Variants in SMG6 observed in about 807,000 individuals in gnomAD.
The protein encoded by SMG6 is telomerase-binding protein EST1A.
Under a neutral mutation model 142.2 loss-of-function variants are expected in SMG6, and 66 were observed. The observed-to-expected ratio is 0.46, with a 90% CI of 0.38 to 0.57. The LOEUF (loss-of-function observed/expected upper bound fraction) is 0.57, where lower values mean the gene tolerates loss of function less well. SMG6 is among the 20% of genes least tolerant of loss of function. The pLI is 0.00. For synonymous variants in SMG6, 779 were observed against 702.4 expected (o/e 1.11, Z -1.72); for missense variants, 1,793 against 1,832.0 (o/e 0.98, Z 0.39).
At chr17:2,138,798 T>C (rs536386978) in intron 13 of SMG6, among the ~76,000 whole-genome samples, 12 of 152,342 alleles carry the variant, frequency 7.9e-5, no homozygotes, top group African/African-American at 2.9e-4. Flanking sequence ...TCCTAGAAAT[T>C]ACTGTATGTA....
chr17:2,109,483 T>G (rs915152922), intron 13 of SMG6, among the ~76,000 whole-genome samples: 1 of 152,158 alleles, frequency 6.6e-6, no homozygotes, highest in African/African-American at 2.4e-5. Context: ...AGCCTGGTCT[T>G]GAATTGCTGG....
At chr17:2,147,144 G>A (rs1165431245) in intron 13 of SMG6, among the ~76,000 whole-genome samples, 1 of 152,212 alleles carries the variant, frequency 6.6e-6, no homozygotes, top group Non-Finnish European at 1.5e-5. Context: ...TGTAATCCCA[G>A]AACTTTGGGA....
chr17:2,084,095 C>T (rs2068493082), intron 14 of SMG6, among the ~76,000 whole-genome samples: 1 of 152,196 alleles, frequency 6.6e-6, no homozygotes, highest in South Asian at 2.1e-4. Context: ...GGTGCTGTGG[C>T]CCTCTCTGGG....
chr17:2,126,917 C>CACAG (rs2069903683), intron 13 of SMG6, among the ~76,000 whole-genome samples: 1 of 151,906 alleles, frequency 6.6e-6, no homozygotes, highest in African/African-American at 2.4e-5. Flanking sequence ...TGCACACAGA[C>CACAG]ACAAACATAC....
chr17:2,117,087 T>C (rs1467575023), intron 13 of SMG6, among the ~76,000 whole-genome samples: 3 of 145,138 alleles, frequency 2.1e-5, no homozygotes, highest in African/African-American at 5.3e-5. Context: ...GTCACCAGTA[T>C]GGCTTTTAAA....
chr17:2,160,979 T>TA (rs2071158405), intron 13 of SMG6, among the ~76,000 whole-genome samples: 3 of 152,116 alleles, frequency 2.0e-5, no homozygotes, highest in Non-Finnish European at 4.4e-5. Flanking sequence ...TCTTTTTCTA[T>TA]CATACATTCT....
chr17:2,256,542 G>A (rs949804108), intron 8 of SMG6, among the ~76,000 whole-genome samples: 4 of 152,070 alleles, frequency 2.6e-5, no homozygotes, highest in Non-Finnish European at 5.9e-5. Context: ...CGGGTGGATC[G>A]CTTGAGCTCA....
At chr17:2,157,665 T>G (rs1231524520) in intron 13 of SMG6, among the ~76,000 whole-genome samples, 2 of 152,214 alleles carry the variant, frequency 1.3e-5, no homozygotes, top group Non-Finnish European at 2.9e-5. Context: ...TTGGCTCTCA[T>G]GCTTTCAGCT....
At chr17:2,093,294 A>T (rs766122093) in intron 13 of SMG6, among the ~76,000 whole-genome samples, 2 of 152,022 alleles carry the variant, frequency 1.3e-5, no homozygotes, top group African/African-American at 2.4e-5. Context: ...GTGGTGCAAC[A>T]CACCTATGGT....
At chr17:2,183,448 G>A (rs527507193) in intron 12 of SMG6, among the ~76,000 whole-genome samples, 9 of 152,232 alleles carry the variant, frequency 5.9e-5, no homozygotes, top group Middle Eastern at 3.4e-3. Flanking sequence ...AGAGATTGAA[G>A]TCAGCAAGCT....
chr17:2,236,424 C>T, intron 10 of SMG6, 68 bp downstream of exon 10: 1 of 1,520,700 alleles, frequency 6.6e-7, no homozygotes, highest in South Asian at 1.3e-5. Flanking sequence ...GGTATGGTAA[C>T]ACAAGAAAGA....
intron 6 of SMG6, among the ~76,000 whole-genome samples, chr17:2,285,047 T>G (rs1276997314): frequency 1.3e-5 from 2 of 152,244 alleles, no homozygotes; most frequent in Non-Finnish European, 2.9e-5. Flanking sequence ...TTTGCAGCAT[T>G]TTTCTTAGTG....
At chr17:2,241,793 TTAGC>T (rs2073808405) in intron 9 of SMG6, among the ~76,000 whole-genome samples, 2 of 152,244 alleles carry the variant, frequency 1.3e-5, no homozygotes, top group South Asian at 4.1e-4. Flanking sequence ...ATCAGGGTGT[TTAGC>T]TACTGCATAA....
chr17:2,198,917 T>G (rs2072419262), intron 10 of SMG6, among the ~76,000 whole-genome samples: 1 of 127,436 alleles, frequency 7.8e-6, no homozygotes, highest in African/African-American at 3.1e-5. Context: ...CAAGAAACTG[T>G]CAGGGGCAAC....
At chr17:2,263,660 T>C (rs563883657) in intron 8 of SMG6, among the ~76,000 whole-genome samples, 4 of 152,230 alleles carry the variant, frequency 2.6e-5, no homozygotes, top group African/African-American at 9.6e-5. Flanking sequence ...TATCCACTCA[T>C]ACTAGGGAGA....
chr17:2,108,415 G>A (rs1486653828), intron 13 of SMG6, among the ~76,000 whole-genome samples: 3 of 152,142 alleles, frequency 2.0e-5, no homozygotes, highest in Non-Finnish European at 4.4e-5. Context: ...TCAGGTGTTC[G>A]AGACCAGCCT....
intron 4 of SMG6, among the ~76,000 whole-genome samples, chr17:2,296,985 T>C (rs905775194): frequency 3.7e-5 from 5 of 134,398 alleles, no homozygotes; most frequent in African/African-American, 5.7e-5. Flanking sequence ...CTGGGTGACA[T>C]GAATGAAACT....
chr17:2,135,275 T>C (rs535296160), intron 13 of SMG6, among the ~76,000 whole-genome samples: 6 of 152,368 alleles, frequency 3.9e-5, no homozygotes, highest in South Asian at 2.1e-4. Flanking sequence ...AACAATCAAA[T>C]TGGACTATGT....
intron 4 of SMG6, among the ~76,000 whole-genome samples, chr17:2,293,848 T>C (rs912254227): frequency 1.3e-5 from 2 of 152,224 alleles, no homozygotes; most frequent in Non-Finnish European, 2.9e-5. Context: ...TTACATTACC[T>C]TCACCTAAAA....
Sources: allele counts gnomAD v4.1 joint callset (sites outside exome capture counted in the v4.1 genomes callset), GRCh38; gene constraint gnomAD v4.1.1; transcripts MANE v1.5; gene names NCBI Gene and HGNC (gene_info 2026-07-23, HGNC 2026-07-21).